The following PPP1R14C variants were observed in gnomAD, a reference collection of about 807,000 sequenced individuals.
PPP1R14C encodes protein phosphatase 1 regulatory subunit 14C.
PPP1R14C carries 16 observed loss-of-function variants against 20.4 expected under a neutral mutation model. The observed-to-expected ratio is 0.78, with a 90% CI of 0.53 to 1.19. The LOEUF (loss-of-function observed/expected upper bound fraction) is 1.19, where lower values mean the gene tolerates loss of function less well. Among genes scored for constraint, PPP1R14C ranks in the 50% most tolerant of loss-of-function variants. The pLI, the probability that PPP1R14C is intolerant of heterozygous loss-of-function variation, is 0.00. For synonymous variants in PPP1R14C, 91 were observed against 91.0 expected (o/e 1.00, Z 0.00); for missense variants, 211 against 220.1 (o/e 0.96, Z 0.26).
intron 1 of PPP1R14C, among the ~76,000 whole-genome samples, chr6:150,210,582 A>G (rs573445899): frequency 2.9e-4 from 44 of 152,302 alleles, no homozygotes; most frequent in Non-Finnish European, 5.7e-4. Flanking sequence ...TCAGTGTGAC[A>G]GTCTCTGCAG....
chr6:150,161,967 C>T (rs1777373691), intron 1 of PPP1R14C, among the ~76,000 whole-genome samples: 1 of 152,178 alleles, frequency 6.6e-6, no homozygotes, highest in Non-Finnish European at 1.5e-5. Flanking sequence ...CACGTATCCA[C>T]CCTTGCAGTA....
intron 3 of PPP1R14C, among the ~76,000 whole-genome samples, chr6:150,242,160 G>C (rs1226098862): frequency 6.6e-6 from 1 of 152,030 alleles, no homozygotes; most frequent in Non-Finnish European, 1.5e-5. Context: ...AAACCCTCTA[G>C]GCCCAGATGG....
At chr6:150,202,363 C>T (rs1777888985) in intron 1 of PPP1R14C, among the ~76,000 whole-genome samples, 1 of 152,222 alleles carries the variant, frequency 6.6e-6, no homozygotes, top group African/African-American at 2.4e-5. Flanking sequence ...ATCAAGCCCA[C>T]ACCTCCTTGC....
chr6:150,172,349 G>C (rs1353523559), intron 1 of PPP1R14C, among the ~76,000 whole-genome samples: 1 of 152,192 alleles, frequency 6.6e-6, no homozygotes. Context: ...GAAGATCTCT[G>C]TAACCCCCAG....
intron 3 of PPP1R14C, among the ~76,000 whole-genome samples, chr6:150,239,921 G>A (rs1778411896): frequency 6.6e-6 from 1 of 152,086 alleles, no homozygotes; most frequent in Non-Finnish European, 1.5e-5. Flanking sequence ...GGGCGTGGTG[G>A]TGCATGCCTG....
intron 1 of PPP1R14C, among the ~76,000 whole-genome samples, chr6:150,192,016 A>C (rs993713925): frequency 3.1e-4 from 47 of 152,010 alleles, no homozygotes; most frequent in African/African-American, 1.1e-3. Context: ...ACCATTCCAG[A>C]TTCTGTTTGT....
chr6:150,221,924 G>A (rs1238787476), intron 3 of PPP1R14C, among the ~76,000 whole-genome samples: 2 of 151,972 alleles, frequency 1.3e-5, no homozygotes, highest in South Asian at 2.1e-4. Context: ...TCAGCCCCCC[G>A]GGTAGCTGAG....
chr6:150,205,115 C>T (rs905419558), intron 1 of PPP1R14C, among the ~76,000 whole-genome samples: 2 of 151,888 alleles, frequency 1.3e-5, no homozygotes, highest in African/African-American at 4.8e-5. Flanking sequence ...CGAACTAAGC[C>T]TGCCCTGGGT....
At chr6:150,144,769 T>C (rs1777163674) in intron 1 of PPP1R14C, among the ~76,000 whole-genome samples, 1 of 152,246 alleles carries the variant, frequency 6.6e-6, no homozygotes, top group African/African-American at 2.4e-5. Context: ...GTATGACTAA[T>C]GGGGTTGTAA....
At chr6:150,150,300 A>T (rs1188518426) in intron 1 of PPP1R14C, among the ~76,000 whole-genome samples, 3 of 152,198 alleles carry the variant, frequency 2.0e-5, no homozygotes, top group Non-Finnish European at 4.4e-5. Context: ...AAAGGTGGTA[A>T]TGGTAGCCAA....
chr6:150,238,931 T>G (rs536627167), intron 3 of PPP1R14C, among the ~76,000 whole-genome samples: 64 of 152,170 alleles, frequency 4.2e-4, no homozygotes, highest in Non-Finnish European at 8.5e-4. Context: ...GAGGAGGCCT[T>G]CAATCAGGGT....
At chr6:150,195,235 A>T in intron 1 of PPP1R14C, 1 of 869,670 alleles carries the variant, frequency 1.1e-6, no homozygotes. Context: ...ATTGCAGTAT[A>T]TGTGTGTGTG....
intron 1 of PPP1R14C, among the ~76,000 whole-genome samples, chr6:150,164,054 T>C (rs1470067916): frequency 6.6e-6 from 1 of 152,246 alleles, no homozygotes; most frequent in South Asian, 2.1e-4. Flanking sequence ...TTTCTGACTT[T>C]TTCATTTAGC....
chr6:150,170,612 G>A (rs1279204205), intron 1 of PPP1R14C, among the ~76,000 whole-genome samples: 1 of 152,106 alleles, frequency 6.6e-6, no homozygotes, highest in Non-Finnish European at 1.5e-5. Flanking sequence ...GTGAGCCACT[G>A]CGCCCGGCTG....
chr6:150,193,765 C>T (rs141397788), intron 1 of PPP1R14C, among the ~76,000 whole-genome samples: 53 of 152,116 alleles, frequency 3.5e-4, no homozygotes, highest in Non-Finnish European at 3.4e-4. Flanking sequence ...AGCTCATTCC[C>T]CATTTCCTTC....
At chr6:150,146,924 C>T (rs747001695) in intron 1 of PPP1R14C, among the ~76,000 whole-genome samples, 2 of 152,108 alleles carry the variant, frequency 1.3e-5, no homozygotes, top group African/African-American at 4.8e-5. Context: ...TAAAATACCA[C>T]GTCAAATAGC....
intron 1 of PPP1R14C, chr6:150,195,332 A>G (rs1007381601): frequency 9.9e-6 from 2 of 202,382 alleles, no homozygotes; most frequent in Non-Finnish European, 1.8e-5. Flanking sequence ...TAGTGGAGAC[A>G]ACTGATACAC....
chr6:150,153,064 T>G (rs1358118023), intron 1 of PPP1R14C, among the ~76,000 whole-genome samples: 1 of 152,224 alleles, frequency 6.6e-6, no homozygotes, highest in African/African-American at 2.4e-5. Context: ...GACGGCCACC[T>G]GTAGACCAGG....
intron 2 of PPP1R14C, 70 bp downstream of exon 2, chr6:150,214,897 T>G (rs1285480079): frequency 1.8e-6 from 2 of 1,129,650 alleles, no homozygotes. Context: ...TCTTCAGTGC[T>G]TGGCATCAAC....
Sources: allele counts gnomAD v4.1 joint callset (sites outside exome capture counted in the v4.1 genomes callset), GRCh38; gene constraint gnomAD v4.1.1; transcripts MANE v1.5; gene names NCBI Gene and HGNC (gene_info 2026-07-23, HGNC 2026-07-21).